ENOX1: variants seen among roughly 807,000 people sequenced by gnomAD.
ENOX1 encodes the protein candidate growth-related and time keeping constitutive hydroquinone (NADH) oxidase.
Under a neutral mutation model 82.5 loss-of-function variants are expected in ENOX1, and 42 were observed. The ratio of observed to expected loss-of-function variants is 0.51; its 90% confidence interval spans 0.40 to 0.66. The LOEUF (loss-of-function observed/expected upper bound fraction) is 0.66, where lower values mean the gene tolerates loss of function less well. ENOX1 is among the 30% of genes least tolerant of loss of function. The probability of loss-of-function intolerance (pLI) is 0.00; values close to 1 mark genes in which losing one functional copy is unlikely to be tolerated. For missense variants in ENOX1, 608 were observed against 811.6 expected, an observed-to-expected ratio of 0.75 and a Z score of 3.05; for synonymous variants, 271 against 282.2, an observed-to-expected ratio of 0.96 and a Z score of 0.40.
rs376344412 is a variant in ENOX1, at chr13:43,224,037, G to A, written c.1800+16C>T. Reference sequence around the variant, plus strand: ...AAATTTGAGCAACGAAAGTTCACTCGAGCAAAATAATTTACCTTGGAGTCC... The same window carrying A: ...AAATTTGAGCAACGAAAGTTCACTCAAGCAAAATAATTTACCTTGGAGTCC... On this transcript the variant is annotated intron_variant, in intron 16 of 16. Coordinates refer to ENST00000690772, the MANE Select transcript of ENOX1 (RefSeq NM_001347969.2). 671 of 1,607,188 alleles carry A rather than the reference G, an allele frequency of 4.2e-4. 9 individuals carry two copies. In the South Asian group the frequency reaches 6.5e-3, roughly 16 times the overall value.
chr13:43,513,950 G>A (rs2077467086), intron 2 of ENOX1, among the ~76,000 whole-genome samples: 1 of 152,062 alleles, frequency 6.6e-6, no homozygotes, highest in Non-Finnish European at 1.5e-5. Context: ...ATTTAACAGT[G>A]AAATGTATAT....
chr13:43,460,793 C>CAAAAAAAAA lies in ENOX1; in HGVS notation c.-75+23207_-75+23215dup, dbSNP rs1312983530. On this transcript the variant is annotated intron_variant, in intron 3 of 16. Transcript: ENST00000690772. ...CGGGCGACAGAGCGAGACTCCATCT[C>CAAAAAAAAA]AAAAAAAAAAAAAAAAAAAAAAAAA... Among the ~76,000 whole-genome samples, 80 of 25,722 alleles carry CAAAAAAAAA rather than the reference C, an allele frequency of 3.1e-3. 9 individuals carry two copies. Among genetic ancestry groups the CAAAAAAAAA allele is most frequent in the African/African-American group, 7.3e-3 (38 of 5,230 alleles). The allele number at this position is 25,722 out of a possible 152,430, so 16.9% of individuals were successfully genotyped here. A position where few individuals can be genotyped will look rare whatever the true frequency, so the allele number is the denominator to read the frequency against.
intron 2 of ENOX1, chr13:43,546,318 G>C (rs991730813): frequency 5.9e-5 from 9 of 152,256 alleles, no homozygotes; most frequent in African/African-American, 2.2e-4. Flanking sequence ...AAGAGAAAGA[G>C]CTGCCAAGCC....
chr13:43,777,097 G>A (rs11147928), intron 1 of ENOX1, among the ~76,000 whole-genome samples: 61,349 of 151,680 alleles, frequency 0.4, 14,306 homozygotes, highest in Non-Finnish European at 0.55. Context: ...AGGTTCGCTT[G>A]TTGCCATACA....
chr13:43,506,085 G>A (rs1320855365), intron 2 of ENOX1, among the ~76,000 whole-genome samples: 5 of 151,890 alleles, frequency 3.3e-5, no homozygotes, highest in East Asian at 3.9e-4. Flanking sequence ...TATTTCTGAC[G>A]GCTCTGTTCT....
intron 3 of ENOX1, among the ~76,000 whole-genome samples, chr13:43,423,709 A>G (rs1469294188): frequency 1.3e-5 from 2 of 152,178 alleles, no homozygotes; most frequent in Non-Finnish European, 2.9e-5. Flanking sequence ...TGGTCTTGGA[A>G]AGTGACTCTT....
At chr13:43,577,422 A>T (rs553822648) in intron 2 of ENOX1, among the ~76,000 whole-genome samples, 2 of 152,182 alleles carry the variant, frequency 1.3e-5, no homozygotes, top group Admixed American at 6.5e-5. Context: ...ATGAGCCACC[A>T]TGCCCGGCCT....
At chr13:43,725,091 G>A (rs1257840203) in intron 1 of ENOX1, among the ~76,000 whole-genome samples, 1 of 152,116 alleles carries the variant, frequency 6.6e-6, no homozygotes, top group Admixed American at 6.5e-5. Flanking sequence ...ATGATTACAT[G>A]GATATATGTC....
intron 1 of ENOX1, among the ~76,000 whole-genome samples, chr13:43,674,896 T>C (rs2085435366): frequency 6.6e-6 from 1 of 152,126 alleles, no homozygotes. Flanking sequence ...AACCTAAAAC[T>C]GCCCCTCAAA....
intron 5 of ENOX1, among the ~76,000 whole-genome samples, chr13:43,371,642 G>A (rs535016218): frequency 1.2e-4 from 18 of 152,224 alleles, no homozygotes; most frequent in Non-Finnish European, 1.8e-4. Flanking sequence ...GATAGGTAAC[G>A]TCTCATAAAT....
chr13:43,591,570 CT>C (rs1327990016), intron 2 of ENOX1, among the ~76,000 whole-genome samples: 1 of 152,186 alleles, frequency 6.6e-6, no homozygotes, highest in Admixed American at 6.6e-5. Context: ...TGGCAATGGT[CT>C]TTAGCTGGGC....
intron 11 of ENOX1, among the ~76,000 whole-genome samples, chr13:43,302,651 C>T (rs992502186): frequency 3.3e-5 from 5 of 152,074 alleles, no homozygotes; most frequent in African/African-American, 1.2e-4. Context: ...AAAGGTATTG[C>T]GGCATCTTGT....
At chr13:43,675,909 T>G (rs935838435) in intron 1 of ENOX1, among the ~76,000 whole-genome samples, 1 of 152,222 alleles carries the variant, frequency 6.6e-6, no homozygotes, top group Non-Finnish European at 1.5e-5. Context: ...GCTATTTTAA[T>G]AACCCATAAA....
intron 5 of ENOX1, among the ~76,000 whole-genome samples, chr13:43,370,285 T>C (rs1279218558): frequency 6.6e-6 from 1 of 151,920 alleles, no homozygotes; most frequent in East Asian, 1.9e-4. Context: ...GAGAATGGCA[T>C]GAACCTGGGA....
At chr13:43,688,270 T>C (rs930774600) in intron 1 of ENOX1, among the ~76,000 whole-genome samples, 6 of 152,092 alleles carry the variant, frequency 3.9e-5, no homozygotes, top group South Asian at 4.1e-4. Context: ...ATATGGAGAA[T>C]GGATTATAAA....
chr13:43,447,813 G>A (rs2056741372), intron 3 of ENOX1, among the ~76,000 whole-genome samples: 1 of 152,212 alleles, frequency 6.6e-6, no homozygotes, highest in Admixed American at 6.5e-5. Context: ...AGAACACTGA[G>A]GTCAATCAAG....
chr13:43,244,937 T>C (rs529977561), intron 14 of ENOX1, among the ~76,000 whole-genome samples: 52 of 152,352 alleles, frequency 3.4e-4, no homozygotes, highest in African/African-American at 1.2e-3. Flanking sequence ...TGTCAAGATG[T>C]GTATCAGCTA....
chr13:43,519,703 C>T (rs888056893), intron 2 of ENOX1, among the ~76,000 whole-genome samples: 1 of 152,090 alleles, frequency 6.6e-6, no homozygotes, highest in African/African-American at 2.4e-5. Flanking sequence ...AGTAGCTAGT[C>T]AGCAAGAGAA....
rs570622462 is a variant in ENOX1 at position 43,473,420 on chromosome 13, GTAAC to G, written c.-75+10585_-75+10588del. On this transcript the variant is annotated intron_variant, in intron 3 of 16. Transcript: ENST00000690772. Reference sequence around the variant, plus strand: ...TTTCTAACAGTGATGGCATTGTTCGGTAACTAACAGTCTTTTGTGTGTGTGAAAA... The same window carrying G: ...TTTCTAACAGTGATGGCATTGTTCGGTAACAGTCTTTTGTGTGTGTGAAAA... Among the ~76,000 whole-genome samples the G allele has an allele frequency of 2.3e-4, 35 of 152,240 alleles. No individual in the cohort carries two copies. The South Asian group carries it at 4.1e-3, about 18-fold the overall frequency.
Sources: gnomAD v4.1 joint callset for allele counts (sites outside exome capture counted in the v4.1 genomes callset) on GRCh38, gnomAD v4.1.1 for gene constraint, MANE v1.5 for transcripts, NCBI Gene and HGNC (gene_info 2026-07-23, HGNC 2026-07-21) for gene names.